The following ITIH5 variants were observed in gnomAD, a reference collection of about 807,000 sequenced individuals.
The protein encoded by ITIH5 is inter-alpha-trypsin inhibitor heavy chain H5.
Under a neutral mutation model 77.5 loss-of-function variants are expected in ITIH5, and 65 were observed. The ratio of observed to expected loss-of-function variants is 0.84; its 90% CI spans 0.69 to 1.03. The LOEUF is 1.03. Ranked by LOEUF, ITIH5 falls within the 50% of genes least tolerant of loss-of-function variation. The probability of loss-of-function intolerance (pLI) is 0.00; values close to 1 mark genes in which losing one functional copy is unlikely to be tolerated. For missense variants in ITIH5, 1,208 were observed against 1,213.1 expected (o/e 1.00, Z 0.06); for synonymous variants, 525 against 494.3 (o/e 1.06, Z -0.82).
At chr10:7,644,536 T>G (rs937460466) in intron 2 of ITIH5, among the ~76,000 whole-genome samples, 5 of 133,184 alleles carry the variant, frequency 3.8e-5, no homozygotes, top group Non-Finnish European at 7.6e-5. Context: ...ATATGATATA[T>G]CACATATATA....
At chr10:7,609,681 T>C (rs553205554) in intron 7 of ITIH5, among the ~76,000 whole-genome samples, 71 of 152,278 alleles carry the variant, frequency 4.7e-4, no homozygotes, top group Non-Finnish European at 8.5e-4. Flanking sequence ...CTAAATAAAA[T>C]GGAGAAAGGA....
chr10:7,569,176 C>T (rs1970177), intron 12 of ITIH5: 19,679 of 151,830 alleles, frequency 0.13, 1,752 homozygotes, highest in East Asian at 0.41. Context: ...ACCACTATGC[C>T]GGGCTAATTT....
chr10:7,619,968 G>A (rs1032408016), intron 5 of ITIH5: 1 of 152,358 alleles, frequency 6.6e-6, no homozygotes, highest in Non-Finnish European at 1.5e-5. Context: ...CCTGAGGTCA[G>A]GAGTTTGAGA....
At chr10:7,623,829 T>A (rs1047061691) in intron 5 of ITIH5, among the ~76,000 whole-genome samples, 12 of 148,094 alleles carry the variant, frequency 8.1e-5, no homozygotes, top group African/African-American at 2.7e-4. Context: ...AAAAAATACC[T>A]TCATAAGTCT....
At chr10:7,583,267 A>C (rs1386873909) in intron 8 of ITIH5, among the ~76,000 whole-genome samples, 2 of 152,254 alleles carry the variant, frequency 1.3e-5, no homozygotes, top group Non-Finnish European at 2.9e-5. Flanking sequence ...AATTCTTGCT[A>C]AGATGCAGAG....
chr10:7,645,600 C>T (rs1403321131), intron 2 of ITIH5, among the ~76,000 whole-genome samples: 1 of 152,160 alleles, frequency 6.6e-6, no homozygotes, highest in Non-Finnish European at 1.5e-5. Context: ...AAAATTACAT[C>T]CACATCTGTG....
At chr10:7,611,611 C>T (rs146821537) in intron 7 of ITIH5, among the ~76,000 whole-genome samples, 198 of 152,204 alleles carry the variant, frequency 1.3e-3, no homozygotes, top group African/African-American at 4.6e-3. Context: ...TTTATCAAAT[C>T]ATCTTATTTC....
At chr10:7,609,805 C>T (rs924493325) in intron 7 of ITIH5, among the ~76,000 whole-genome samples, 1 of 152,070 alleles carries the variant, frequency 6.6e-6, no homozygotes, top group Non-Finnish European at 1.5e-5. Flanking sequence ...GTGATCCATT[C>T]GTCACTGCTT....
chr10:7,600,299 G>A (rs11255225), intron 7 of ITIH5, among the ~76,000 whole-genome samples: 93,573 of 152,092 alleles, frequency 0.62, 31,136 homozygotes, highest in Admixed American at 0.73. Flanking sequence ...CCAATGCTAT[G>A]CCTTAATCTG....
Position 7,580,012 on chromosome 10 carries a change from G to A in ITIH5, c.1161C>T (p.Tyr387=), listed in dbSNP as rs1469980266. ...GGTCTCCAATGCCACTGTGGGCCAC[G>A]TACTTGTTGAGGAGCCTGATGGCCC... ...LQRAIRLLNK[Y]VAHSGIGDRS... is the part of the protein sequence containing the mutation. The change falls in exon 9 of 14, where the codon TAC becomes TAT. Residue 387 remains tyrosine (Y), a synonymous_variant. Coordinates refer to ENST00000397146, the MANE Select transcript of ITIH5 (RefSeq NM_030569.7). The A allele has an allele frequency of 6.8e-6, 11 of 1,613,314 alleles. No homozygotes were observed. The highest frequency in any genetic ancestry group is 1.7e-5 in the Admixed American group (1 of 59,928).
chr10:7,581,844 G>A (rs955302551), intron 8 of ITIH5, among the ~76,000 whole-genome samples: 3 of 140,874 alleles, frequency 2.1e-5, no homozygotes, highest in Non-Finnish European at 4.5e-5. Flanking sequence ...CTACAGGCAT[G>A]AGCCACCATG....
intron 13 of ITIH5, among the ~76,000 whole-genome samples, chr10:7,565,645 T>C (rs1375117817): frequency 6.7e-6 from 1 of 148,704 alleles, no homozygotes; most frequent in Admixed American, 6.8e-5. Context: ...GTATAGACTG[T>C]ATATATATAC....
intron 9 of ITIH5, among the ~76,000 whole-genome samples, chr10:7,578,983 T>A (rs2130961345): frequency 6.6e-6 from 1 of 152,362 alleles, no homozygotes; most frequent in Middle Eastern, 3.4e-3. Flanking sequence ...TTTTAACTAG[T>A]ACTCAAAATG....
At position 7,605,526 on chromosome 10, in the gene ITIH5, A is replaced by C. The variant is rs549598342; in HGVS notation, c.939+10456T>G. Among the ~76,000 whole-genome samples, 79 of 65,030 alleles carry C rather than the reference A, an allele frequency of 1.2e-3. 1 individual carries two copies. The highest frequency in any genetic ancestry group is 4.1e-3 in the African/African-American group (67 of 16,366). The allele number at this position is 65,030 out of a possible 152,430, so 42.7% of individuals were successfully genotyped here. On this transcript the variant is annotated intron_variant, in intron 7 of 13. Coordinates refer to ENST00000397146, the MANE Select transcript of ITIH5 (RefSeq NM_030569.7). Reference sequence around the variant, plus strand: ...TCTCATTTATCTCTGTGTCCCCCATACCTAGCACCCCACCCCCAACAGCCT... The same window carrying C: ...TCTCATTTATCTCTGTGTCCCCCATCCCTAGCACCCCACCCCCAACAGCCT...
intron 7 of ITIH5, chr10:7,609,370 G>A: frequency 2.2e-6 from 1 of 447,266 alleles, no homozygotes; most frequent in Non-Finnish European, 4.5e-6. Context: ...ATATTGTAAT[G>A]ATCAAACACA....
Position 7,619,441 on chromosome 10 carries a change from C to G in ITIH5, c.653-2159G>C, listed in dbSNP as rs188468972. On this transcript the variant is annotated intron_variant, in intron 5 of 13. Coordinates refer to ENST00000397146, the MANE Select transcript of ITIH5 (RefSeq NM_030569.7). ...GTATTGAAAAGATCAAGTGATGTCA[C>G]GTACTTAGCACCATTTTCCAGTTCA... 252 of 161,064 alleles carry G rather than the reference C, an allele frequency of 1.6e-3. 1 individual carries two copies. The highest frequency in any genetic ancestry group is 5.7e-3 in the African/African-American group (241 of 41,968). The allele number at this position is 161,064 out of a possible 1,614,324, so 10.0% of individuals were successfully genotyped here.
At position 7,617,098 on chromosome 10, in the gene ITIH5, C is replaced by T. The variant is rs374593112; in HGVS notation, c.822+15G>A. The T allele has an allele frequency of 1.8e-5, 27 of 1,501,330 alleles. No individual in the cohort carries two copies. Among genetic ancestry groups the T allele is most frequent in the African/African-American group, 2.9e-5 (2 of 70,102 alleles). The allele number at this position is 1,501,330 out of a possible 1,614,324, so 93.0% of individuals were successfully genotyped here. A position where few individuals can be genotyped will look rare whatever the true frequency, so the allele number is the denominator to read the frequency against. ...CCAACCAACCAACATGAAATAGCAA[C>T]GACGATCCTATTACCTGGATGTCCC... On this transcript the variant is annotated intron_variant, in intron 6 of 13. Coordinates refer to ENST00000397146, the MANE Select transcript of ITIH5 (RefSeq NM_030569.7).
intron 7 of ITIH5, among the ~76,000 whole-genome samples, chr10:7,604,157 C>A (rs1219175558): frequency 2.6e-5 from 4 of 152,154 alleles, no homozygotes; most frequent in Non-Finnish European, 4.4e-5. Flanking sequence ...TGCTTCCAGG[C>A]TATTTGATTT....
At chr10:7,646,334 A>G (rs1361533607) in intron 2 of ITIH5, among the ~76,000 whole-genome samples, 1 of 152,280 alleles carries the variant, frequency 6.6e-6, no homozygotes, top group African/African-American at 2.4e-5. Flanking sequence ...TATGCTGAAT[A>G]TAAAATGAAA....
Sources: gnomAD v4.1 joint callset for allele counts (sites outside exome capture counted in the v4.1 genomes callset) on GRCh38, gnomAD v4.1.1 for gene constraint, MANE v1.5 for transcripts, NCBI Gene and HGNC (gene_info 2026-07-23, HGNC 2026-07-21) for gene names.